SPATS2L: variants seen among roughly 807,000 people sequenced by gnomAD.
SPATS2L encodes SPATS2-like protein.
Under a neutral mutation model 59.6 loss-of-function variants are expected in SPATS2L, and 30 were observed. The observed-to-expected ratio is 0.50, with a 90% CI of 0.38 to 0.68. The LOEUF (loss-of-function observed/expected upper bound fraction) is 0.68. Among genes scored for constraint, SPATS2L ranks in the 30% least tolerant of loss-of-function variants. The pLI is 0.00. For synonymous variants in SPATS2L, 252 were observed against 263.5 expected, an observed-to-expected ratio of 0.96 and a Z score of 0.42; for missense variants, 615 against 700.0, an observed-to-expected ratio of 0.88 and a Z score of 1.37.
intron 10 of SPATS2L, 196 bp from the exon 11 acceptor site, chr2:200,469,718 C>T (rs1337659667): frequency 9.6e-6 from 5 of 519,244 alleles, no homozygotes; most frequent in Admixed American, 7.2e-5. Context: ...ACATATTCCC[C>T]AGGCAGGAAG....
chr2:200,477,515 T>TAAAAAAAAAAAA lies in SPATS2L; in HGVS notation c.1282-109_1282-98dup, dbSNP rs59073895. On this transcript the variant is annotated intron_variant, in intron 12 of 12. Coordinates refer to ENST00000409140, the MANE Select transcript of SPATS2L (RefSeq NM_001100423.2). ...CATGTTTTCTGATTCTTCTGGTGTA[T>TAAAAAAAAAAAA]AAAAAAAAAAAAAAAAAAAAAAAGC... 5.8e-4 allele frequency: 175 copies of TAAAAAAAAAAAA among 302,632 alleles called. 5 individuals carry two copies. The highest frequency in any genetic ancestry group is 3.4e-3 in the African/African-American group (79 of 23,094). The allele number at this position is 302,632 out of a possible 1,614,324, so 18.7% of individuals were successfully genotyped here. A position where few individuals can be genotyped will look rare whatever the true frequency, so the allele number is the denominator to read the frequency against.
At chr2:200,308,194 A>C (rs2079088947) in intron 1 of SPATS2L, among the ~76,000 whole-genome samples, 1 of 151,836 alleles carries the variant, frequency 6.6e-6, no homozygotes, top group Admixed American at 6.6e-5. Context: ...AGATGTATGT[A>C]ATATAGCAGG....
chr2:200,349,452 A>G (rs1324829631), intron 2 of SPATS2L, among the ~76,000 whole-genome samples: 1 of 152,250 alleles, frequency 6.6e-6, no homozygotes, highest in African/African-American at 2.4e-5. Flanking sequence ...ATTGACCAAC[A>G]TGGTGAAACC....
chr2:200,456,158 G>A (rs2106173008), intron 8 of SPATS2L, among the ~76,000 whole-genome samples: 1 of 152,324 alleles, frequency 6.6e-6, no homozygotes, highest in South Asian at 2.1e-4. Context: ...GGCAGGCCGG[G>A]TTTATCTGCC....
At chr2:200,386,913 GA>G (rs1014488793) in intron 2 of SPATS2L, among the ~76,000 whole-genome samples, 11 of 151,930 alleles carry the variant, frequency 7.2e-5, no homozygotes, top group African/African-American at 2.4e-4. Flanking sequence ...ACATGATGCC[GA>G]AACTTTCATT....
At chr2:200,358,376 A>G (rs1170254905) in intron 2 of SPATS2L, among the ~76,000 whole-genome samples, 1 of 152,212 alleles carries the variant, frequency 6.6e-6, no homozygotes, top group Non-Finnish European at 1.5e-5. Context: ...CATGACCTAC[A>G]CCGCTATTCC....
At chr2:200,326,999 G>A (rs1378152518) in intron 1 of SPATS2L, among the ~76,000 whole-genome samples, 3 of 148,334 alleles carry the variant, frequency 2.0e-5, no homozygotes, top group Non-Finnish European at 3.0e-5. Context: ...CACCTGCCTC[G>A]GCCTCCCAAA....
At chr2:200,351,079 A>C (rs1207431473) in intron 2 of SPATS2L, 1 of 361,518 alleles carries the variant, frequency 2.8e-6, no homozygotes, top group Admixed American at 3.5e-5. Flanking sequence ...TTAACCTCAC[A>C]GCATGGTTCA....
intron 2 of SPATS2L, among the ~76,000 whole-genome samples, chr2:200,344,039 AT>A (rs201318167): frequency 2.0e-5 from 3 of 151,390 alleles, no homozygotes; most frequent in Non-Finnish European, 4.4e-5. Context: ...CATAGAGGTT[AT>A]TTTTTTTAAA....
At chr2:200,344,138 T>TG (rs2080429785) in intron 2 of SPATS2L, among the ~76,000 whole-genome samples, 1 of 152,052 alleles carries the variant, frequency 6.6e-6, no homozygotes, top group Admixed American at 6.5e-5. Flanking sequence ...ACTCATGTCA[T>TG]GGGGGTTTGT....
chr2:200,481,364 C>T lies in SPATS2L; in HGVS notation c.*3333C>T, dbSNP rs1022858814. The T allele has an allele frequency of 6.6e-6, 1 of 152,188 alleles. No homozygotes were observed. Among genetic ancestry groups the T allele is most frequent in the Non-Finnish European group, 1.5e-5 (1 of 68,036 alleles). The allele number at this position is 152,188 out of a possible 1,614,324, so 9.4% of individuals were successfully genotyped here. ...AAAGTAACAGATTTGGAAATTCTGACTCTCTGAAAGCCTTGATTTGAACCT... is the reference window on the plus strand; with the variant it reads ...AAAGTAACAGATTTGGAAATTCTGATTCTCTGAAAGCCTTGATTTGAACCT... On this transcript the variant is annotated 3_prime_UTR_variant, in exon 13 of 13. Transcript: ENST00000409140.
intron 6 of SPATS2L, among the ~76,000 whole-genome samples, chr2:200,424,295 T>C (rs1243838841): frequency 6.6e-6 from 1 of 151,324 alleles, no homozygotes; most frequent in African/African-American, 2.4e-5. Flanking sequence ...GAGACCAGCC[T>C]GGGCAACATA....
In SPATS2L at chr2:200,440,668, A is replaced by G; in HGVS notation, c.672A>G (p.Ser224=). 1 of 1,613,072 alleles carries G rather than the reference A, an allele frequency of 6.2e-7. No individual in the cohort carries two copies. Among genetic ancestry groups the G allele is most frequent in the Non-Finnish European group, 8.5e-7 (1 of 1,179,370 alleles). ...AKKRGPNIEK[S]VKDLQRCTVS... ...TTTTAGGCCCAAATATTGAGAAATC[A>G]GTGAAGGATTTGCAACGCTGCACCG... is the stretch of plus-strand genomic sequence containing the variant. The change falls in exon 8 of 13, where the codon TCA becomes TCG. Residue 224 remains serine, a synonymous_variant. Transcript: ENST00000409140.
At chr2:200,459,630 T>C in intron 8 of SPATS2L, 139 bp from the exon 9 acceptor site, 1 of 691,500 alleles carries the variant, frequency 1.4e-6, no homozygotes, top group South Asian at 1.9e-5. Context: ...CAGAGTGTAC[T>C]GCTGGCATTG....
At position 200,306,723 on chromosome 2, in the gene SPATS2L, G is replaced by T; in HGVS notation, c.-272G>T. 1.0e-6 allele frequency: 1 copy of T among 974,332 alleles called. No homozygotes were observed. Among genetic ancestry groups the T allele is most frequent in the Non-Finnish European group, 1.2e-6 (1 of 825,822 alleles). The allele number at this position is 974,332 out of a possible 1,614,324, so 60.4% of individuals were successfully genotyped here. A position where few individuals can be genotyped will look rare whatever the true frequency, so the allele number is the denominator to read the frequency against. Reference sequence around the variant, plus strand: ...TGTCAGTGAAGGAATCCAGTCCGGGGGCCGAGCTGGCTGCGCCCTCCGCTG... The same window carrying T: ...TGTCAGTGAAGGAATCCAGTCCGGGTGCCGAGCTGGCTGCGCCCTCCGCTG... On this transcript the variant is annotated 5_prime_UTR_variant, in exon 1 of 13. Coordinates refer to ENST00000409140, the MANE Select transcript of SPATS2L (RefSeq NM_001100423.2).
At chr2:200,313,444 G>A (rs1340195235) in intron 1 of SPATS2L, among the ~76,000 whole-genome samples, 3 of 152,130 alleles carry the variant, frequency 2.0e-5, no homozygotes, top group Non-Finnish European at 4.4e-5. Context: ...GTGGTAATCT[G>A]TGTCCCTTAT....
At chr2:200,356,958 A>G (rs1188086050) in intron 2 of SPATS2L, among the ~76,000 whole-genome samples, 2 of 152,174 alleles carry the variant, frequency 1.3e-5, no homozygotes, top group Non-Finnish European at 2.9e-5. Context: ...TTATGAGGGC[A>G]GAGCCATCAT....
intron 2 of SPATS2L, among the ~76,000 whole-genome samples, chr2:200,369,871 TAAGA>T (rs1487353080): frequency 6.6e-6 from 1 of 152,156 alleles, no homozygotes; most frequent in Non-Finnish European, 1.5e-5. Context: ...AGAAAAAAAA[TAAGA>T]AAGAGACAAG....
At chr2:200,432,554 A>T (rs571695545) in intron 6 of SPATS2L, among the ~76,000 whole-genome samples, 1 of 152,182 alleles carries the variant, frequency 6.6e-6, no homozygotes, top group Non-Finnish European at 1.5e-5. Context: ...AAAGAAGAAG[A>T]TCTAGAGTTT....
Sources: gnomAD v4.1 joint callset for allele counts (sites outside exome capture counted in the v4.1 genomes callset) on GRCh38, gnomAD v4.1.1 for gene constraint, MANE v1.5 for transcripts, NCBI Gene and HGNC (gene_info 2026-07-23, HGNC 2026-07-21) for gene names.